Variants in HOOK3 observed in about 807,000 individuals in gnomAD.
The protein encoded by HOOK3 is protein Hook homolog 3.
HOOK3 carries 24 observed loss-of-function variants against 116.3 expected under a neutral mutation model. The ratio of observed to expected loss-of-function variants is 0.21; its 90% CI spans 0.15 to 0.29. The LOEUF is 0.29. Among genes scored for constraint, HOOK3 ranks in the 10% least tolerant of loss-of-function variants. HOOK3 has a pLI of 1.00. For synonymous variants in HOOK3, 275 were observed against 283.0 expected (o/e 0.97, Z 0.28); for missense variants, 632 against 830.2 (o/e 0.76, Z 2.93).
At chr8:42,973,177 G>A (rs1808757227) in intron 11 of HOOK3, 112 bp from the exon 12 acceptor site, 2 of 1,150,058 alleles carry the variant, frequency 1.7e-6, no homozygotes, top group Non-Finnish European at 2.4e-6. Context: ...TGGATCATAT[G>A]CATTTGAGTA....
intron 4 of HOOK3, among the ~76,000 whole-genome samples, chr8:42,939,876 C>T (rs1387658797): frequency 1.9e-4 from 28 of 150,860 alleles, no homozygotes; most frequent in African/African-American, 6.6e-4. Flanking sequence ...CCCCACATCT[C>T]AGACGATGGG....
chr8:42,944,888 A>T (rs1465797940), intron 5 of HOOK3, among the ~76,000 whole-genome samples: 1 of 152,208 alleles, frequency 6.6e-6, no homozygotes, highest in Non-Finnish European at 1.5e-5. Flanking sequence ...CTAAGCATGT[A>T]AATCTGAAAA....
intron 15 of HOOK3, among the ~76,000 whole-genome samples, chr8:42,994,816 T>C (rs1321454823): frequency 6.6e-6 from 1 of 152,254 alleles, no homozygotes; most frequent in Non-Finnish European, 1.5e-5. Context: ...TTTAGCTGTT[T>C]TTAAACCATT....
chr8:42,962,623 CT>C (rs1808554453), intron 8 of HOOK3, among the ~76,000 whole-genome samples: 1 of 151,364 alleles, frequency 6.6e-6, no homozygotes, highest in Non-Finnish European at 1.5e-5. Flanking sequence ...CCAGGCTGTT[CT>C]CCAACTCCTA....
At chr8:43,013,269 T>G (rs1450713261) in intron 20 of HOOK3, 60 bp from the exon 21 acceptor site, 4 of 1,435,550 alleles carry the variant, frequency 2.8e-6, no homozygotes, top group Non-Finnish European at 3.8e-6. Context: ...GTAAGTATTT[T>G]ATTTATATTG....
At chr8:43,002,752 A>G (rs1809404613) in intron 17 of HOOK3, among the ~76,000 whole-genome samples, 1 of 152,188 alleles carries the variant, frequency 6.6e-6, no homozygotes, top group African/African-American at 2.4e-5. Context: ...TATGTTTCCC[A>G]GGCTGGACTT....
intron 8 of HOOK3, 98 bp downstream of exon 8, chr8:42,959,412 C>A: frequency 1.3e-6 from 1 of 785,298 alleles, no homozygotes; most frequent in Non-Finnish European, 2.1e-6. Flanking sequence ...TTAACTATAA[C>A]GCAACCCTTT....
rs550908102 is a variant in HOOK3 at position 43,019,564 on chromosome 8, A to G, written c.*1066A>G. On this transcript the variant is annotated 3_prime_UTR_variant, in exon 22 of 22. Coordinates refer to ENST00000307602, the MANE Select transcript of HOOK3 (RefSeq NM_032410.4). ...CAGATCTCTTTACGTTTTTTCTCAC[A>G]TCTATCTGCTAGTCCAGGAATTTGT... 10 of 203,508 alleles carry G rather than the reference A, an allele frequency of 4.9e-5. No individual in the cohort carries two copies. Among genetic ancestry groups the G allele is most frequent in the South Asian group, 1.9e-4 (1 of 5,268 alleles). 12.6% of individuals were successfully genotyped at this position (203,508 alleles called of 1,614,324 possible). A position where few individuals can be genotyped will look rare whatever the true frequency, so the allele number is the denominator to read the frequency against.
chr8:42,950,681 T>G (rs1808321806), intron 6 of HOOK3, among the ~76,000 whole-genome samples: 1 of 151,922 alleles, frequency 6.6e-6, no homozygotes, highest in Admixed American at 6.6e-5. Context: ...TAGATATAAC[T>G]ATTCCTAAAT....
intron 4 of HOOK3, 59 bp downstream of exon 4, chr8:42,930,231 AAT>A: frequency 1.4e-6 from 2 of 1,379,988 alleles, no homozygotes; most frequent in Non-Finnish European, 9.7e-7. Flanking sequence ...TTAATTTTAT[AAT>A]AGTTTCAAGT....
Position 42,956,795 on chromosome 8 carries a change from G to A in HOOK3, c.469-299G>A, listed in dbSNP as rs192490475. ...AGATGGGTTTCTCCATGTTGGTCAGGCTGGTCTTGAACTCCTGACCTCATG... is the reference window on the plus strand; with the variant it reads ...AGATGGGTTTCTCCATGTTGGTCAGACTGGTCTTGAACTCCTGACCTCATG... On this transcript the variant is annotated intron_variant, in intron 6 of 21. Coordinates refer to ENST00000307602, the MANE Select transcript of HOOK3 (RefSeq NM_032410.4). Among the ~76,000 whole-genome samples the A allele has an allele frequency of 1.0e-3, 155 of 152,196 alleles. 1 individual carries two copies. The highest frequency in any genetic ancestry group is 3.4e-3 in the Middle Eastern group (1 of 294).
chr8:43,013,471 C>A, intron 21 of HOOK3, 71 bp downstream of exon 21: 1 of 1,221,422 alleles, frequency 8.2e-7, no homozygotes, highest in Non-Finnish European at 1.1e-6. Flanking sequence ...ATTCCCTTTA[C>A]TGTAGAAGTC....
chr8:42,974,077 C>G (rs537757779), intron 12 of HOOK3, 30 bp from the exon 13 acceptor site: 1 of 1,514,100 alleles, frequency 6.6e-7, no homozygotes, highest in African/African-American at 1.4e-5. Flanking sequence ...AAACGTGAAG[C>G]TAACCCTCCA....
chr8:42,933,137 C>A (rs1298600545), intron 4 of HOOK3, among the ~76,000 whole-genome samples: 1 of 152,044 alleles, frequency 6.6e-6, no homozygotes, highest in Admixed American at 6.6e-5. Context: ...TGAATATAAC[C>A]CAAGGTCTAA....
intron 7 of HOOK3, 25 bp downstream of exon 7, chr8:42,957,181 T>C: frequency 1.4e-6 from 2 of 1,459,816 alleles, no homozygotes; most frequent in South Asian, 1.3e-5. Context: ...ATTGTTTTTA[T>C]TCATGAAAAG....
At chr8:42,903,338 C>CTTTTTTTTTTTTT (rs1164136399) in intron 1 of HOOK3, among the ~76,000 whole-genome samples, 4 of 87,608 alleles carry the variant, frequency 4.6e-5, no homozygotes, top group African/African-American at 9.5e-5. Context: ...TAATAGTTGT[C>CTTTTTTTTTTTTT]TTTTTTTTTT....
chr8:43,001,330 A>C (rs1586629196), intron 16 of HOOK3, among the ~76,000 whole-genome samples: 1 of 152,248 alleles, frequency 6.6e-6, no homozygotes, highest in South Asian at 2.1e-4. Flanking sequence ...CTTTTCCCTT[A>C]TCACTGGCAT....
At chr8:42,983,485 A>C (rs898947638) in intron 14 of HOOK3, among the ~76,000 whole-genome samples, 1 of 151,894 alleles carries the variant, frequency 6.6e-6, no homozygotes, top group African/African-American at 2.4e-5. Flanking sequence ...TAAAAATTCC[A>C]TTTATTTATT....
Position 42,964,343 on chromosome 8 carries a change from G to A in HOOK3, c.648G>A (p.Leu216=). 4.3e-6 allele frequency: 7 copies of A among 1,614,178 alleles called. No individual in the cohort carries two copies. The highest frequency in any genetic ancestry group is 5.9e-6 in the Non-Finnish European group (7 of 1,180,030). Residue 216 remains leucine, a synonymous_variant, in exon 9 of 22, where the codon TTG becomes TTA. Coordinates refer to ENST00000307602, the MANE Select transcript of HOOK3 (RefSeq NM_032410.4). The part of the protein sequence containing the change: ...VAALQEEKSS[L]LAENQVLMER... ...CATTGCAGGAAGAGAAAAGTAGTTT[G>A]TTGGCAGAGAATCAGGTATTAATGG...
Sources: gnomAD v4.1 joint callset for allele counts (sites outside exome capture counted in the v4.1 genomes callset) on GRCh38, gnomAD v4.1.1 for gene constraint, MANE v1.5 for transcripts, NCBI Gene and HGNC (gene_info 2026-07-23, HGNC 2026-07-21) for gene names.